Variants in GULP1 observed in about 807,000 individuals in gnomAD.
GULP1 encodes GULP PTB domain containing engulfment adaptor 1.
In GULP1, 19 loss-of-function variants were observed where a neutral mutation model predicts 40.9. The observed-to-expected ratio is 0.46, with a 90% CI of 0.32 to 0.68. GULP1 has a LOEUF of 0.68. Among genes scored for constraint, GULP1 ranks in the 30% least tolerant of loss-of-function variants. GULP1 has a pLI of 0.03. For missense variants in GULP1, 312 were observed against 362.2 expected (o/e 0.86, Z 1.12); for synonymous variants, 119 against 117.6 (o/e 1.01, Z -0.08).
intron 9 of GULP1, 89 bp downstream of exon 9, chr2:188,570,209 T>G: frequency 3.1e-6 from 2 of 644,852 alleles, no homozygotes; most frequent in Non-Finnish European, 5.5e-6. Context: ...ATATAATACT[T>G]GGGGATCAGT....
intron 1 of GULP1, among the ~76,000 whole-genome samples, chr2:188,334,526 G>A (rs920665555): frequency 1.2e-4 from 18 of 152,120 alleles, no homozygotes; most frequent in African/African-American, 3.9e-4. Flanking sequence ...TAAAACAAAG[G>A]AAGCCTTCTC....
At chr2:188,404,632 A>C (rs1214226735) in intron 2 of GULP1, among the ~76,000 whole-genome samples, 2 of 152,132 alleles carry the variant, frequency 1.3e-5, no homozygotes, top group Non-Finnish European at 2.9e-5. Context: ...AAGCTTGCCA[A>C]GGGGACTTTA....
chr2:188,562,390 C>G (rs575925824), intron 7 of GULP1, among the ~76,000 whole-genome samples: 1 of 152,296 alleles, frequency 6.6e-6, no homozygotes, highest in African/African-American at 2.4e-5. Flanking sequence ...CTCAACCAAA[C>G]AGGCTGCCTG....
At chr2:188,465,839 G>A (rs2060064852) in intron 2 of GULP1, among the ~76,000 whole-genome samples, 1 of 152,202 alleles carries the variant, frequency 6.6e-6, no homozygotes, top group Non-Finnish European at 1.5e-5. Flanking sequence ...CTCTACTGAG[G>A]GATGGCGGAG....
chr2:188,458,846 A>C (rs1404751561), intron 2 of GULP1, among the ~76,000 whole-genome samples: 1 of 151,538 alleles, frequency 6.6e-6, no homozygotes, highest in East Asian at 1.9e-4. Flanking sequence ...CCATCCCTAC[A>C]CTCTGCTTCC....
At chr2:188,544,307 C>T (rs1216353413) in intron 7 of GULP1, among the ~76,000 whole-genome samples, 1 of 151,864 alleles carries the variant, frequency 6.6e-6, no homozygotes, top group Admixed American at 6.6e-5. Context: ...TTAGAACAGC[C>T]ATCATATAAC....
intron 7 of GULP1, among the ~76,000 whole-genome samples, chr2:188,564,430 A>T (rs112375656): frequency 2.6e-5 from 4 of 152,108 alleles, no homozygotes; most frequent in African/African-American, 9.6e-5. Context: ...TACAAAATTA[A>T]ATTGTGTCTG....
chr2:188,414,358 A>G (rs966203017), intron 2 of GULP1, among the ~76,000 whole-genome samples: 2 of 152,202 alleles, frequency 1.3e-5, no homozygotes, highest in African/African-American at 4.8e-5. Flanking sequence ...CGAAGAAGCT[A>G]CATGAATACT....
chr2:188,350,346 C>T (rs958598908), intron 1 of GULP1, among the ~76,000 whole-genome samples: 1 of 152,004 alleles, frequency 6.6e-6, no homozygotes, highest in East Asian at 1.9e-4. Context: ...GTATATTTGC[C>T]AGTTCTTCTC....
intron 2 of GULP1, among the ~76,000 whole-genome samples, chr2:188,470,761 T>A (rs2060523064): frequency 2.0e-5 from 3 of 152,176 alleles, no homozygotes; most frequent in African/African-American, 7.2e-5. Context: ...TTTATTCAGT[T>A]TTGGTCAGAG....
At chr2:188,393,740 T>G (rs1215235632) in intron 2 of GULP1, among the ~76,000 whole-genome samples, 1 of 152,190 alleles carries the variant, frequency 6.6e-6, no homozygotes, top group Non-Finnish European at 1.5e-5. Context: ...TAGAAACCCT[T>G]TTAGCATTTC....
chr2:188,593,017 AAGGT>A (rs910800003), intron 11 of GULP1: 2 of 152,110 alleles, frequency 1.3e-5, no homozygotes, highest in African/African-American at 4.8e-5. Flanking sequence ...TAAGAAAAAA[AAGGT>A]AGAGTATGTA....
intron 4 of GULP1, among the ~76,000 whole-genome samples, chr2:188,485,251 G>A (rs955636933): frequency 1.3e-5 from 2 of 151,902 alleles, no homozygotes; most frequent in Non-Finnish European, 2.9e-5. Context: ...CATTCTGCTT[G>A]TCTACATGGA....
chr2:188,509,983 G>A (rs192797310), intron 4 of GULP1, among the ~76,000 whole-genome samples: 1 of 152,142 alleles, frequency 6.6e-6, no homozygotes, highest in East Asian at 1.9e-4. Flanking sequence ...TTTTGAGATG[G>A]ATTAGGACAT....
At chr2:188,465,435 G>T (rs962989860) in intron 2 of GULP1, among the ~76,000 whole-genome samples, 1 of 151,904 alleles carries the variant, frequency 6.6e-6, no homozygotes, top group African/African-American at 2.4e-5. Context: ...GCAGAAGGAA[G>T]GGGTCTCCTT....
chr2:188,580,458 C>T (rs552677872), intron 9 of GULP1, among the ~76,000 whole-genome samples: 48 of 149,364 alleles, frequency 3.2e-4, no homozygotes, highest in South Asian at 1.7e-3. Flanking sequence ...GAGGCTGAGG[C>T]AGGAGAATGG....
intron 4 of GULP1, among the ~76,000 whole-genome samples, chr2:188,497,490 A>G (rs150089647): frequency 6.6e-6 from 1 of 152,146 alleles, no homozygotes; most frequent in African/African-American, 2.4e-5. Context: ...CTGTTTCACC[A>G]TGAAATACCT....
chr2:188,535,513 T>A (rs964115316), intron 6 of GULP1, among the ~76,000 whole-genome samples: 1 of 151,962 alleles, frequency 6.6e-6, no homozygotes, highest in African/African-American at 2.4e-5. Flanking sequence ...GGAAAGGACA[T>A]GATTTTGTTC....
intron 2 of GULP1, among the ~76,000 whole-genome samples, chr2:188,391,644 A>G (rs1053327030): frequency 1.3e-5 from 2 of 152,020 alleles, no homozygotes; most frequent in Admixed American, 6.6e-5. Flanking sequence ...TTCCAGTACT[A>G]TATTGAATAG....
Sources: allele counts gnomAD v4.1 joint callset (sites outside exome capture counted in the v4.1 genomes callset), GRCh38; gene constraint gnomAD v4.1.1; transcripts MANE v1.5; gene names NCBI Gene and HGNC (gene_info 2026-07-23, HGNC 2026-07-21).